The following SPEF2 variants were observed in gnomAD, a reference collection of about 807,000 sequenced individuals.
The protein encoded by SPEF2 is sperm flagella and cilia-associated protein 2.
A neutral mutation model predicts 224.6 loss-of-function variants in SPEF2; 187 were observed. The ratio of observed to expected loss-of-function variants is 0.83; its 90% CI spans 0.74 to 0.94. The LOEUF is 0.94. SPEF2 is among the 40% of genes least tolerant of loss of function. The pLI, the probability that SPEF2 is intolerant of heterozygous loss-of-function variation, is 0.00. For missense variants in SPEF2, 2,170 were observed against 2,135.6 expected, an observed-to-expected ratio of 1.02 and a Z score of -0.32; for synonymous variants, 715 against 707.3, an observed-to-expected ratio of 1.01 and a Z score of -0.17.
intron 10 of SPEF2, among the ~76,000 whole-genome samples, chr5:35,688,815 C>T (rs890515281): frequency 2.0e-5 from 3 of 152,098 alleles, no homozygotes; most frequent in African/African-American, 4.8e-5. Flanking sequence ...TTTGAGATAA[C>T]GCATGAAAAC....
chr5:35,800,727 G>A (rs1180990667), intron 34 of SPEF2, among the ~76,000 whole-genome samples: 1 of 152,180 alleles, frequency 6.6e-6, no homozygotes. Flanking sequence ...GCTAGGTAAT[G>A]TGCTTCCTAG....
intron 10 of SPEF2, among the ~76,000 whole-genome samples, chr5:35,678,282 A>G (rs1752301637): frequency 6.6e-6 from 1 of 152,226 alleles, no homozygotes; most frequent in Non-Finnish European, 1.5e-5. Flanking sequence ...ATGATCCAGA[A>G]TTAACCATGA....
At chr5:35,636,968 T>C (rs1218501926) in intron 2 of SPEF2, among the ~76,000 whole-genome samples, 1 of 142,930 alleles carries the variant, frequency 7.0e-6, no homozygotes, top group Non-Finnish European at 1.5e-5. Context: ...AGAGTGAGAC[T>C]CTGTCTCAAA....
chr5:35,784,026 CT>C (rs1440977896), intron 30 of SPEF2, among the ~76,000 whole-genome samples: 1 of 152,128 alleles, frequency 6.6e-6, no homozygotes, highest in Non-Finnish European at 1.5e-5. Flanking sequence ...TACACCCTCT[CT>C]TTTTCTTCAA....
At chr5:35,678,264 A>G (rs974656792) in intron 10 of SPEF2, among the ~76,000 whole-genome samples, 14 of 152,220 alleles carry the variant, frequency 9.2e-5, no homozygotes, top group African/African-American at 2.4e-4. Context: ...AATTCATTAG[A>G]TTTCCTGATG....
chr5:35,709,370 G>A (rs1740645493), intron 19 of SPEF2: 9 of 1,261,740 alleles, frequency 7.1e-6, no homozygotes, highest in East Asian at 3.9e-5. Flanking sequence ...ATTAGAGTAA[G>A]ACCACAGACG....
intron 6 of SPEF2, among the ~76,000 whole-genome samples, chr5:35,651,360 A>G (rs1013660377): frequency 1.3e-5 from 2 of 152,170 alleles, no homozygotes; most frequent in Non-Finnish European, 2.9e-5. Context: ...TTTCCAGCAG[A>G]GGGCATCTGA....
At chr5:35,792,260 C>A in intron 30 of SPEF2, 80 bp from the exon 31 acceptor site, 4 of 1,012,652 alleles carry the variant, frequency 4.0e-6, no homozygotes, top group Non-Finnish European at 5.8e-6. Flanking sequence ...TTTTAAAATA[C>A]TCATTGCTTC....
At position 35,742,833 on chromosome 5, in the gene SPEF2, AG is replaced by A. The variant is rs1161464289; in HGVS notation, c.3330+2568del. Among the ~76,000 whole-genome samples the A allele has an allele frequency of 5.3e-5, 8 of 152,100 alleles. 2 individuals are homozygous for A. Among genetic ancestry groups the A allele is most frequent in the East Asian group, 1.9e-4 (1 of 5,186 alleles). ...TTTGAGATGAGTTTTAATATGCAGA[AG>A]GTTTTTAATGTTTATATTGATAAAT... On this transcript the variant is annotated intron_variant, in intron 23 of 36. Coordinates refer to ENST00000356031, the MANE Select transcript of SPEF2 (RefSeq NM_024867.4).
intron 30 of SPEF2, among the ~76,000 whole-genome samples, chr5:35,791,782 T>C (rs937795064): frequency 1.3e-4 from 20 of 152,268 alleles, no homozygotes; most frequent in African/African-American, 4.8e-4. Context: ...TTAGGAATAC[T>C]GAGCCAATTA....
intron 30 of SPEF2, chr5:35,788,124 A>G (rs909123323): frequency 1.4e-6 from 1 of 702,862 alleles, no homozygotes; most frequent in African/African-American, 1.7e-5. Context: ...AATGCACATC[A>G]TCTCAGCGAG....
intron 34 of SPEF2, among the ~76,000 whole-genome samples, chr5:35,800,640 C>T (rs1018096224): frequency 6.6e-6 from 1 of 152,206 alleles, no homozygotes; most frequent in African/African-American, 2.4e-5. Flanking sequence ...GATTAAAATG[C>T]CACCTCACCT....
At chr5:35,753,217 T>G (rs1419324850) in intron 23 of SPEF2, among the ~76,000 whole-genome samples, 2 of 152,130 alleles carry the variant, frequency 1.3e-5, no homozygotes, top group African/African-American at 4.8e-5. Context: ...TTAACAAGTT[T>G]ATATTAATTA....
intron 20 of SPEF2, among the ~76,000 whole-genome samples, chr5:35,719,088 T>A (rs1458863865): frequency 6.6e-6 from 1 of 152,208 alleles, no homozygotes; most frequent in Non-Finnish European, 1.5e-5. Context: ...GTCATGGGCA[T>A]CCTATTTATT....
intron 16 of SPEF2, among the ~76,000 whole-genome samples, chr5:35,702,748 C>T (rs560624428): frequency 6.6e-6 from 1 of 152,260 alleles, no homozygotes; most frequent in Non-Finnish European, 1.5e-5. Flanking sequence ...CCTTCTCTAC[C>T]ATTTATGAAC....
At chr5:35,788,137 TCATGC>T in intron 30 of SPEF2, 1 of 702,996 alleles carries the variant, frequency 1.4e-6, no homozygotes, top group Non-Finnish European at 2.6e-6. Flanking sequence ...TCAGCGAGGC[TCATGC>T]CAAGGCCTCA....
intron 10 of SPEF2, among the ~76,000 whole-genome samples, chr5:35,684,407 T>G (rs1246321815): frequency 6.6e-6 from 1 of 152,230 alleles, no homozygotes; most frequent in African/African-American, 2.4e-5. Context: ...CAGGTCAGGC[T>G]TCAGTTCTTC....
chr5:35,650,356 A>T (rs1228238698), intron 6 of SPEF2, among the ~76,000 whole-genome samples: 1 of 152,108 alleles, frequency 6.6e-6, no homozygotes, highest in Non-Finnish European at 1.5e-5. Context: ...ATCAGTGTTG[A>T]TCCTGACCTG....
intron 30 of SPEF2, among the ~76,000 whole-genome samples, chr5:35,781,120 A>AG (rs1754280532): frequency 1.3e-5 from 2 of 152,000 alleles, no homozygotes; most frequent in African/African-American, 4.8e-5. Flanking sequence ...AAGTAAAGGA[A>AG]GGGAGGGAGG....
Sources: allele counts gnomAD v4.1 joint callset (sites outside exome capture counted in the v4.1 genomes callset), GRCh38; gene constraint gnomAD v4.1.1; transcripts MANE v1.5; gene names NCBI Gene and HGNC (gene_info 2026-07-23, HGNC 2026-07-21).